Variants in ADH6 observed in about 807,000 individuals in gnomAD.
ADH6 encodes the protein alcohol dehydrogenase 6.
Under a neutral mutation model 36.5 loss-of-function variants are expected in ADH6, and 34 were observed. That is an observed-to-expected ratio of 0.93 (90% confidence interval 0.71 to 1.24). ADH6 has a LOEUF of 1.24. Ranked by LOEUF, ADH6 falls within the 50% of genes most tolerant of loss-of-function variation. The pLI, the probability that ADH6 is intolerant of heterozygous loss-of-function variation, is 0.00. For synonymous variants in ADH6, 161 were observed against 155.5 expected (o/e 1.04, Z -0.26); for missense variants, 440 against 447.0 (o/e 0.98, Z 0.14).
rs775648925 is a variant in ADH6 at position 99,205,152 on chromosome 4, TTGAC to T, written c.965-93_965-90del. 9.0e-4 allele frequency: 1,265 copies of T among 1,397,970 alleles called. 2 individuals carry two copies. The highest frequency in any genetic ancestry group is 1.1e-3 in the Non-Finnish European group (1,174 of 1,054,870). The allele number at this position is 1,397,970 out of a possible 1,614,324, so 86.6% of individuals were successfully genotyped here. ...AAAGTAACTGCTGAAGTTGTTGGCT[TTGAC>T]TGAGAAAATCTAAGCCTGTCCCGTT... On this transcript the variant is annotated intron_variant, in intron 7 of 8. Coordinates refer to ENST00000394899, the MANE Select transcript of ADH6 (RefSeq NM_001102470.2).
At chr4:99,205,656 C>T (rs1003607611) in intron 7 of ADH6, among the ~76,000 whole-genome samples, 8 of 152,038 alleles carry the variant, frequency 5.3e-5, no homozygotes, top group African/African-American at 1.7e-4. Context: ...TGTAGTTTAG[C>T]ATTGTATTTT....
rs779799611 is a variant in ADH6, at chr4:99,210,459, A to G, written c.306T>C (p.Cys102=). ...ITLFLPQCGE[C]TSCLNSEGNF... The stretch of plus-strand genomic sequence containing the variant: ...TGCCCTCAGAATTCAGGCAAGAGGT[A>G]CATTCTCCACACTGTGGCAGAAAGA... The change falls in exon 4 of 9, where the codon TGT becomes TGC. Residue 102 remains cysteine, a synonymous_variant. Coordinates refer to ENST00000394899, the MANE Select transcript of ADH6 (RefSeq NM_001102470.2). The G allele has an allele frequency of 2.5e-6, 4 of 1,612,346 alleles. No individual in the cohort carries two copies. The highest frequency in any genetic ancestry group is 3.4e-6 in the Non-Finnish European group (4 of 1,179,430).
At chr4:99,215,776 C>G (rs1002293420) in intron 2 of ADH6, 1 of 152,984 alleles carries the variant, frequency 6.5e-6, no homozygotes, top group African/African-American at 2.4e-5. Context: ...CTTGAGTTTC[C>G]AGATTCAGAG....
At chr4:99,209,895 C>T (rs991452379) in intron 5 of ADH6, among the ~76,000 whole-genome samples, 187 bp downstream of exon 5, 2 of 151,912 alleles carry the variant, frequency 1.3e-5, no homozygotes, top group Non-Finnish European at 2.9e-5. Context: ...TACTACTCAC[C>T]AAGAGGGAAT....
intron 1 of ADH6, among the ~76,000 whole-genome samples, chr4:99,217,806 A>G (rs554776241): frequency 2.9e-4 from 44 of 152,256 alleles, no homozygotes; most frequent in African/African-American, 9.1e-4. Context: ...CAGGGTAGGA[A>G]TGGCATTACA....
chr4:99,202,990 G>T lies in ADH6; in HGVS notation c.*1229C>A, dbSNP rs1730907974. Reference sequence around the variant, plus strand: ...TCATAAGAATCAGACTGTTATGAGAGTCCTTTGATATCATGTGAAAACCAT... The same window carrying T: ...TCATAAGAATCAGACTGTTATGAGATTCCTTTGATATCATGTGAAAACCAT... On this transcript the variant is annotated 3_prime_UTR_variant, in exon 9 of 9. Transcript: ENST00000394899. 1.5e-5 allele frequency: 6 copies of T among 393,184 alleles called. No homozygotes were observed. Among genetic ancestry groups the T allele is most frequent in the Non-Finnish European group, 2.2e-5 (5 of 222,882 alleles). 24.4% of individuals were successfully genotyped at this position (393,184 alleles called of 1,614,324 possible).
intron 1 of ADH6, among the ~76,000 whole-genome samples, chr4:99,217,390 T>C (rs1731486107): frequency 6.6e-6 from 1 of 152,166 alleles, no homozygotes; most frequent in South Asian, 2.1e-4. Flanking sequence ...CCCTTCCCAG[T>C]CTCTGTTATC....
At position 99,207,576 on chromosome 4, in the gene ADH6, A is replaced by T. The variant is rs766494856; in HGVS notation, c.834T>A (p.Ala278=). ...EAIGNLDVLA[A]ALASCNESYG... ...AGCTCTCATTGCAGGAGGCGAGGGC[A>T]GCTGCCTGTTAGAAAGTGATGCAAT... The change falls in exon 7 of 9, where the codon GCT becomes GCA. Residue 278 remains alanine, a synonymous_variant. Transcript: ENST00000394899. 6.2e-7 allele frequency: 1 copy of T among 1,613,272 alleles called. No homozygotes were observed.
Position 99,204,233 on chromosome 4 carries a change from T to G in ADH6, c.1114A>C (p.Ile372Leu). The G allele has an allele frequency of 6.2e-7, 1 of 1,601,986 alleles. No homozygotes were observed. Among genetic ancestry groups the G allele is most frequent in the South Asian group, 1.1e-5 (1 of 90,164 alleles). The change falls in exon 9 of 9, where the codon ATC becomes CTC. Residue 372 changes from isoleucine (I) to leucine (L), a missense_variant. Ile to Leu is a conservative substitution (Grantham distance 5, BLOSUM62 2). Coordinates refer to ENST00000394899, the MANE Select transcript of ADH6 (RefSeq NM_001102470.2). The part of the protein sequence containing the change: ...LMKTGKCIRC[I>L]LLL ...TTACATTGTACTTAAAGTAACAGGA[T>G]ACAGCGGATACTGAAAAAAAGAAGA... is the stretch of plus-strand genomic sequence containing the variant.
In ADH6 at chr4:99,208,686, A is replaced by G. The variant is rs1195782249; in HGVS notation, c.810T>C (p.Ile270=). ...DAGIDFCFEA[I]GNLDVLAAAL... The stretch of plus-strand genomic sequence containing the variant: ...TACATACCAGAACGTCCAGATTTCC[A>G]ATGGCCTCAAAGCAGAAGTCTATAC... The change falls in exon 6 of 9, where the codon ATT becomes ATC. Residue 270 remains isoleucine, a synonymous_variant. Transcript: ENST00000394899. 18 of 1,613,108 alleles carry G rather than the reference A, an allele frequency of 1.1e-5. No individual in the cohort carries two copies. Among genetic ancestry groups the G allele is most frequent in the Non-Finnish European group, 1.5e-5 (18 of 1,179,542 alleles).
chr4:99,204,492 T>A, intron 8 of ADH6: 1 of 1,307,274 alleles, frequency 7.6e-7, no homozygotes, highest in South Asian at 2.2e-5. Context: ...GGTTTCTGTT[T>A]TTTGGGTCAA....
chr4:99,215,472 T>C (rs906600110), intron 2 of ADH6, among the ~76,000 whole-genome samples: 3 of 152,206 alleles, frequency 2.0e-5, no homozygotes, highest in Admixed American at 2.0e-4. Flanking sequence ...TAAATCACAA[T>C]TGCAGAATTT....
At chr4:99,207,986 C>T (rs1008997590) in intron 6 of ADH6, among the ~76,000 whole-genome samples, 6 of 152,042 alleles carry the variant, frequency 3.9e-5, no homozygotes, top group Non-Finnish European at 5.9e-5. Flanking sequence ...GATACCGTTA[C>T]ATTCGTTATG....
chr4:99,206,577 T>C (rs1440140237), intron 7 of ADH6, among the ~76,000 whole-genome samples: 1 of 151,970 alleles, frequency 6.6e-6, no homozygotes, highest in East Asian at 1.9e-4. Context: ...TACTTTTTTT[T>C]TTTTGCTGGT....
At chr4:99,212,367 T>C (rs956457919) in intron 3 of ADH6, among the ~76,000 whole-genome samples, 1 of 152,076 alleles carries the variant, frequency 6.6e-6, no homozygotes, top group African/African-American at 2.4e-5. Context: ...TTATCGTAAA[T>C]TGACAAATTA....
rs1385527711 is a variant in ADH6, at chr4:99,203,353, GAA to G, written c.*864_*865del. ...AGGAGAACTAAGAGGGGCTGGGGCA[GAA>G]AGTCAAAGGGTCGGGGTAGAAGGAT... On this transcript the variant is annotated 3_prime_UTR_variant, in exon 9 of 9. Transcript: ENST00000394899. 2.6e-5 allele frequency: 4 copies of G among 152,082 alleles called. No homozygotes were observed. The highest frequency in any genetic ancestry group is 9.7e-5 in the African/African-American group (4 of 41,412). 9.4% of individuals were successfully genotyped at this position (152,082 alleles called of 1,614,324 possible). A position where few individuals can be genotyped will look rare whatever the true frequency, so the allele number is the denominator to read the frequency against.
chr4:99,211,571 G>T (rs1448533923), intron 3 of ADH6, among the ~76,000 whole-genome samples: 1 of 152,088 alleles, frequency 6.6e-6, no homozygotes, highest in Admixed American at 6.6e-5. Context: ...ACTATGTTGT[G>T]GTGTCATGCC....
At chr4:99,204,703 C>T (rs148900043) in intron 8 of ADH6, 35 of 1,243,588 alleles carry the variant, frequency 2.8e-5, no homozygotes, top group South Asian at 1.7e-4. Flanking sequence ...GCAAAAGTAA[C>T]GGTAGGTGAA....
At chr4:99,211,369 A>G (rs1209727913) in intron 3 of ADH6, among the ~76,000 whole-genome samples, 1 of 152,172 alleles carries the variant, frequency 6.6e-6, no homozygotes, top group Non-Finnish European at 1.5e-5. Context: ...ACACTGTATC[A>G]TGGAGCTTTC....
Sources: gnomAD v4.1 joint callset for allele counts (sites outside exome capture counted in the v4.1 genomes callset) on GRCh38, gnomAD v4.1.1 for gene constraint, MANE v1.5 for transcripts, NCBI Gene and HGNC (gene_info 2026-07-23, HGNC 2026-07-21) for gene names.